Variants in FSTL5 observed in about 807,000 individuals in gnomAD.
FSTL5 encodes the protein follistatin-related protein 5.
Under a neutral mutation model 89.1 loss-of-function variants are expected in FSTL5, and 62 were observed. That is an observed-to-expected ratio of 0.70 (90% CI 0.57 to 0.86). The LOEUF is 0.86. Ranked by LOEUF, FSTL5 falls within the 40% of genes least tolerant of loss-of-function variation. The probability of loss-of-function intolerance (pLI) is 0.00; values close to 1 mark genes in which losing one functional copy is unlikely to be tolerated. For synonymous variants in FSTL5, 383 were observed against 346.2 expected (o/e 1.11, Z -1.18); for missense variants, 1,057 against 1,001.6 (o/e 1.06, Z -0.75).
chr4:161,611,144 A>G (rs1210422230), intron 7 of FSTL5, among the ~76,000 whole-genome samples: 2 of 147,872 alleles, frequency 1.4e-5, no homozygotes, highest in Admixed American at 1.4e-4. Flanking sequence ...ATATGTATCT[A>G]TATATATGTG....
intron 4 of FSTL5, among the ~76,000 whole-genome samples, chr4:161,809,906 G>A (rs895409018): frequency 1.9e-4 from 29 of 152,222 alleles, no homozygotes; most frequent in Non-Finnish European, 2.9e-4. Flanking sequence ...AAGATGAGGC[G>A]TGATGATAGC....
intron 11 of FSTL5, among the ~76,000 whole-genome samples, chr4:161,508,118 A>G (rs1416716189): frequency 6.6e-6 from 1 of 152,178 alleles, no homozygotes; most frequent in East Asian, 1.9e-4. Context: ...TATAATTTTA[A>G]TTATTTGTAT....
intron 3 of FSTL5, among the ~76,000 whole-genome samples, chr4:162,001,165 G>T (rs2111105826): frequency 6.6e-6 from 1 of 152,246 alleles, no homozygotes; most frequent in African/African-American, 2.4e-5. Context: ...TCACAAATAA[G>T]AATTAGCAGC....
At chr4:161,512,481 G>A (rs17041148) in intron 10 of FSTL5, among the ~76,000 whole-genome samples, 5,563 of 151,992 alleles carry the variant, frequency 0.037, 351 homozygotes, top group African/African-American at 0.12. Context: ...TTAAACAGGG[G>A]GAACTTCTCT....
chr4:162,157,779 A>G (rs1340580976), intron 1 of FSTL5, among the ~76,000 whole-genome samples: 1 of 152,092 alleles, frequency 6.6e-6, no homozygotes, highest in African/African-American at 2.4e-5. Flanking sequence ...ATGGGGATTC[A>G]GTAGGGAGTC....
At chr4:162,084,857 G>GTGTATAC (rs1404700568) in intron 2 of FSTL5, among the ~76,000 whole-genome samples, 2 of 152,016 alleles carry the variant, frequency 1.3e-5, no homozygotes, top group African/African-American at 4.8e-5. Context: ...AACCACCATG[G>GTGTATAC]CAGGTGTATA....
intron 3 of FSTL5, among the ~76,000 whole-genome samples, chr4:161,950,623 C>T (rs555107084): frequency 2.0e-5 from 3 of 152,146 alleles, no homozygotes; most frequent in African/African-American, 7.2e-5. Flanking sequence ...TCTGCTCTCT[C>T]TTCAGTGTTC....
In FSTL5 at chr4:161,679,621, G is replaced by A. The variant is rs1737449138; in HGVS notation, c.728-23127C>T. The stretch of plus-strand genomic sequence containing the variant: ...ACAAAAACAGAATTATTGAAAACAT[G>A]TGCTTGGTACACAGTATAATTGTTA... On this transcript the variant is annotated intron_variant, in intron 6 of 15. Transcript: ENST00000306100. Among the ~76,000 whole-genome samples the A allele has an allele frequency of 3.3e-5, 5 of 151,930 alleles. No homozygotes were observed. In the South Asian group the frequency reaches 1.0e-3, roughly 31 times the overall value.
At chr4:161,750,903 G>T (rs1011355387) in intron 6 of FSTL5, among the ~76,000 whole-genome samples, 6 of 152,150 alleles carry the variant, frequency 3.9e-5, no homozygotes, top group Middle Eastern at 3.4e-3. Flanking sequence ...TCATTTTATT[G>T]CACTGCAATT....
intron 2 of FSTL5, among the ~76,000 whole-genome samples, chr4:162,077,864 T>C (rs1729931665): frequency 6.6e-6 from 1 of 151,812 alleles, no homozygotes; most frequent in Non-Finnish European, 1.5e-5. Flanking sequence ...TATATTGCAA[T>C]ATATTAAACA....
rs549992491 is a variant in FSTL5 at position 161,936,092 on chromosome 4, T to G, written c.161-15440A>C. ...CTACTCAAAAGGCTGAGGCATGAGATTCGCTTGAACCCAGGAGGCAGAGAT... is the reference window on the plus strand; with the variant it reads ...CTACTCAAAAGGCTGAGGCATGAGAGTCGCTTGAACCCAGGAGGCAGAGAT... On this transcript the variant is annotated intron_variant, in intron 3 of 15. Transcript: ENST00000306100. Among the ~76,000 whole-genome samples, 12 of 152,196 alleles carry G rather than the reference T, an allele frequency of 7.9e-5. No individual in the cohort carries two copies. In the East Asian group the frequency reaches 2.3e-3, roughly 30 times the overall value.
At chr4:161,458,566 G>A (rs1333944400) in intron 14 of FSTL5, among the ~76,000 whole-genome samples, 2 of 152,146 alleles carry the variant, frequency 1.3e-5, no homozygotes, top group Non-Finnish European at 2.9e-5. Flanking sequence ...GGATATTCAA[G>A]GCAGTAGCAA....
chr4:161,664,412 A>G (rs1318142772), intron 6 of FSTL5, among the ~76,000 whole-genome samples: 2 of 152,162 alleles, frequency 1.3e-5, no homozygotes, highest in Non-Finnish European at 2.9e-5. Flanking sequence ...TCCCAAGTTC[A>G]AAGTTTCACA....
intron 4 of FSTL5, among the ~76,000 whole-genome samples, chr4:161,844,275 A>C (rs891384932): frequency 2.0e-5 from 3 of 152,218 alleles, no homozygotes; most frequent in Non-Finnish European, 1.5e-5. Flanking sequence ...CATTAAAGTC[A>C]GGAAACAACA....
chr4:161,855,385 G>A (rs1013375397), intron 4 of FSTL5, among the ~76,000 whole-genome samples: 5 of 151,982 alleles, frequency 3.3e-5, no homozygotes, highest in Admixed American at 1.3e-4. Flanking sequence ...CTTCTCCTTT[G>A]AGCATAAAAC....
At chr4:162,043,530 A>G (rs531761538) in intron 2 of FSTL5, among the ~76,000 whole-genome samples, 2 of 152,266 alleles carry the variant, frequency 1.3e-5, no homozygotes, top group South Asian at 4.1e-4. Context: ...CTGTCAACTG[A>G]TCAGAGTGGT....
chr4:162,081,186 A>C (rs569878568), intron 2 of FSTL5, among the ~76,000 whole-genome samples: 1 of 151,606 alleles, frequency 6.6e-6, no homozygotes, highest in Non-Finnish European at 1.5e-5. Flanking sequence ...AATACTAGCA[A>C]TATGGGGATT....
At chr4:161,996,305 G>A (rs752538475) in intron 3 of FSTL5, among the ~76,000 whole-genome samples, 1 of 152,228 alleles carries the variant, frequency 6.6e-6, no homozygotes, top group Non-Finnish European at 1.5e-5. Flanking sequence ...GAAATACTCT[G>A]CTCTGGCAGA....
chr4:161,427,989 A>T (rs1205585997), intron 15 of FSTL5, among the ~76,000 whole-genome samples: 2 of 152,288 alleles, frequency 1.3e-5, no homozygotes, highest in Non-Finnish European at 2.9e-5. Context: ...GAGGATAGAA[A>T]AGACAGTCTT....
Sources: allele counts gnomAD v4.1 joint callset (sites outside exome capture counted in the v4.1 genomes callset), GRCh38; gene constraint gnomAD v4.1.1; transcripts MANE v1.5; gene names NCBI Gene and HGNC (gene_info 2026-07-23, HGNC 2026-07-21).